Variants in IMPG1 observed in about 807,000 individuals in gnomAD.
IMPG1 encodes interphotoreceptor matrix proteoglycan of 150 kDa.
IMPG1 carries 85 observed loss-of-function variants against 92.0 expected under a neutral mutation model. The observed-to-expected ratio is 0.92, with a 90% confidence interval of 0.78 to 1.11. The LOEUF is 1.11. Ranked by LOEUF, IMPG1 falls within the 50% of genes least tolerant of loss-of-function variation. The pLI, the probability that IMPG1 is intolerant of heterozygous loss-of-function variation, is 0.00. For synonymous variants in IMPG1, 367 were observed against 334.1 expected (o/e 1.10, Z -1.08); for missense variants, 1,022 against 956.0 (o/e 1.07, Z -0.91).
chr6:75,922,623 C>A (rs189957493), intron 16 of IMPG1, among the ~76,000 whole-genome samples: 1 of 152,258 alleles, frequency 6.6e-6, no homozygotes, highest in Admixed American at 6.5e-5. Flanking sequence ...ATTATCACTT[C>A]CTTTTATTTA....
At chr6:76,046,624 C>T (rs903086710) in intron 1 of IMPG1, among the ~76,000 whole-genome samples, 2 of 152,180 alleles carry the variant, frequency 1.3e-5, no homozygotes, top group Non-Finnish European at 2.9e-5. Context: ...GGAGCTGTCA[C>T]TAGTTGTATA....
chr6:76,068,262 A>C (rs1206103470), intron 1 of IMPG1, among the ~76,000 whole-genome samples: 1 of 152,170 alleles, frequency 6.6e-6, no homozygotes, highest in African/African-American at 2.4e-5. Context: ...TTTGCTGCTG[A>C]TGATATGATC....
At chr6:76,011,071 GA>G in intron 8 of IMPG1, 94 bp downstream of exon 8, 18 of 672,130 alleles carry the variant, frequency 2.7e-5, no homozygotes, top group Non-Finnish European at 3.6e-5. Flanking sequence ...AACAACTGGG[GA>G]AAAAGGACCT....
chr6:75,942,587 AG>A (rs984761809), intron 14 of IMPG1, among the ~76,000 whole-genome samples: 1 of 152,216 alleles, frequency 6.6e-6, no homozygotes, highest in Non-Finnish European at 1.5e-5. Flanking sequence ...CTCCGGATCC[AG>A]GGTCCTGAGA....
chr6:75,923,557 G>A, intron 16 of IMPG1, 77 bp downstream of exon 16: 1 of 723,310 alleles, frequency 1.4e-6, no homozygotes, highest in Non-Finnish European at 2.5e-6. Context: ...TTTAAAATAA[G>A]AGGGACATAA....
chr6:75,957,276 G>A (rs1377172718), intron 12 of IMPG1, among the ~76,000 whole-genome samples: 1 of 152,186 alleles, frequency 6.6e-6, no homozygotes, highest in Admixed American at 6.5e-5. Flanking sequence ...CTGAGAGGCT[G>A]TTTGTTATGA....
intron 14 of IMPG1, among the ~76,000 whole-genome samples, chr6:75,942,431 G>A (rs1053644293): frequency 2.0e-5 from 3 of 152,244 alleles, no homozygotes; most frequent in South Asian, 2.1e-4. Flanking sequence ...CTTGGGTCTC[G>A]CTTACTACAT....
At chr6:75,971,128 C>T (rs933947119) in intron 12 of IMPG1, among the ~76,000 whole-genome samples, 1 of 152,058 alleles carries the variant, frequency 6.6e-6, no homozygotes, top group Non-Finnish European at 1.5e-5. Flanking sequence ...CCATGGAATA[C>T]TATGCAGCCA....
intron 8 of IMPG1, among the ~76,000 whole-genome samples, chr6:76,010,627 TA>T (rs1025698754): frequency 3.7e-4 from 57 of 152,306 alleles, no homozygotes; most frequent in African/African-American, 1.3e-3. Flanking sequence ...CAAAATGACA[TA>T]AAAGGTATAT....
At chr6:76,049,519 G>A (rs1784000790) in intron 1 of IMPG1, among the ~76,000 whole-genome samples, 1 of 151,978 alleles carries the variant, frequency 6.6e-6, no homozygotes, top group Non-Finnish European at 1.5e-5. Context: ...TATTTGTGAT[G>A]TGCTTATAGA....
chr6:76,004,293 G>A (rs1783051989), intron 10 of IMPG1, among the ~76,000 whole-genome samples: 1 of 152,152 alleles, frequency 6.6e-6, no homozygotes, highest in African/African-American at 2.4e-5. Context: ...GAAACAAAAT[G>A]ACTAGAATAA....
chr6:75,965,765 G>A (rs1259321713), intron 12 of IMPG1, among the ~76,000 whole-genome samples: 3 of 151,932 alleles, frequency 2.0e-5, no homozygotes, highest in South Asian at 2.1e-4. Context: ...CTGCCATCAC[G>A]CCCAGCTAAT....
At chr6:75,974,371 C>CTTTCTT (rs1215213700) in intron 12 of IMPG1, among the ~76,000 whole-genome samples, 1 of 89,268 alleles carries the variant, frequency 1.1e-5, no homozygotes, top group African/African-American at 4.2e-5. Context: ...TTCTTTCTTT[C>CTTTCTT]TTTCTTTCTT....
chr6:75,982,648 T>C (rs542667825), intron 12 of IMPG1, among the ~76,000 whole-genome samples: 1 of 151,760 alleles, frequency 6.6e-6, no homozygotes, highest in East Asian at 1.9e-4. Flanking sequence ...TGTATATATA[T>C]ATTCAAACAA....
chr6:75,965,317 A>G (rs1782288242), intron 12 of IMPG1, among the ~76,000 whole-genome samples: 1 of 152,004 alleles, frequency 6.6e-6, no homozygotes, highest in African/African-American at 2.4e-5. Flanking sequence ...ACCACCAGCA[A>G]TGTATAAGTG....
intron 15 of IMPG1, among the ~76,000 whole-genome samples, chr6:75,925,911 C>A (rs1781541706): frequency 6.6e-6 from 1 of 152,134 alleles, no homozygotes; most frequent in Non-Finnish European, 1.5e-5. Context: ...GGTGATCACC[C>A]ACCTCGGCTT....
intron 12 of IMPG1, among the ~76,000 whole-genome samples, chr6:75,975,595 T>A (rs6453851): frequency 0.046 from 7,014 of 152,322 alleles, 452 homozygotes; most frequent in African/African-American, 0.14. Flanking sequence ...GAATTTTGTC[T>A]AATGGAGATG....
intron 8 of IMPG1, among the ~76,000 whole-genome samples, chr6:76,008,758 T>C (rs1051891717): frequency 1.3e-5 from 2 of 152,222 alleles, no homozygotes; most frequent in South Asian, 2.1e-4. Context: ...ATATTTATGG[T>C]ATACGATCCA....
chr6:76,041,042 G>T (rs572539396), intron 2 of IMPG1, among the ~76,000 whole-genome samples: 1 of 152,090 alleles, frequency 6.6e-6, no homozygotes, highest in Non-Finnish European at 1.5e-5. Flanking sequence ...CTCAACTTTC[G>T]CATGTAAGAT....
Sources: gnomAD v4.1 joint callset for allele counts (sites outside exome capture counted in the v4.1 genomes callset) on GRCh38, gnomAD v4.1.1 for gene constraint, MANE v1.5 for transcripts, NCBI Gene and HGNC (gene_info 2026-07-23, HGNC 2026-07-21) for gene names.